Variants in CNTN4 observed in about 807,000 individuals in gnomAD.
CNTN4 encodes the protein contactin-4.
A neutral mutation model predicts 122.5 loss-of-function variants in CNTN4; 77 were observed. That is an observed-to-expected ratio of 0.63 (90% CI 0.52 to 0.76). The LOEUF (loss-of-function observed/expected upper bound fraction) is 0.76, where lower values mean the gene tolerates loss of function less well. Ranked by LOEUF, CNTN4 falls within the 30% of genes least tolerant of loss-of-function variation. The pLI is 0.00. For missense variants in CNTN4, 1,256 were observed against 1,259.1 expected (o/e 1.00, Z 0.04); for synonymous variants, 512 against 447.0 (o/e 1.15, Z -1.83).
chr3:2,732,682 C>G (rs1332412010), intron 4 of CNTN4, among the ~76,000 whole-genome samples: 3 of 152,144 alleles, frequency 2.0e-5, no homozygotes, highest in Non-Finnish European at 4.4e-5. Flanking sequence ...GACTCTTTGT[C>G]TCACCCAGGC....
chr3:2,445,780 C>A (rs936242389), intron 3 of CNTN4, among the ~76,000 whole-genome samples: 7 of 152,072 alleles, frequency 4.6e-5, no homozygotes, highest in African/African-American at 1.7e-4. Context: ...ATTTGCCAGG[C>A]GACATATTTG....
At chr3:2,310,672 C>T (rs1347461075) in intron 2 of CNTN4, among the ~76,000 whole-genome samples, 2 of 152,108 alleles carry the variant, frequency 1.3e-5, no homozygotes, top group Non-Finnish European at 2.9e-5. Flanking sequence ...AATGGCATAT[C>T]GAGCACCTGT....
At chr3:2,835,341 G>A (rs1469578145) in intron 7 of CNTN4, among the ~76,000 whole-genome samples, 2 of 152,110 alleles carry the variant, frequency 1.3e-5, no homozygotes, top group Non-Finnish European at 1.5e-5. Context: ...AATTACTAAT[G>A]CATATTTGTT....
chr3:2,124,503 C>CTA (rs2034015806), intron 2 of CNTN4, among the ~76,000 whole-genome samples: 1 of 149,198 alleles, frequency 6.7e-6, no homozygotes, highest in Non-Finnish European at 1.5e-5. Context: ...TGGCTCACAC[C>CTA]TATAATCCCA....
chr3:2,137,956 G>A (rs1046906520), intron 2 of CNTN4, among the ~76,000 whole-genome samples: 3 of 152,180 alleles, frequency 2.0e-5, no homozygotes, highest in African/African-American at 4.8e-5. Flanking sequence ...CTCATTGGCT[G>A]AGCATGTATC....
chr3:2,157,115 G>A (rs1218863671), intron 2 of CNTN4, among the ~76,000 whole-genome samples: 1 of 152,074 alleles, frequency 6.6e-6, no homozygotes, highest in Non-Finnish European at 1.5e-5. Context: ...GAGAAGTTCT[G>A]GTTCCTGTTC....
intron 2 of CNTN4, among the ~76,000 whole-genome samples, chr3:2,230,576 G>T (rs1265780263): frequency 1.3e-5 from 2 of 152,082 alleles, no homozygotes; most frequent in Non-Finnish European, 2.9e-5. Flanking sequence ...TTTCCTTTTA[G>T]AAACTAACTT....
intron 3 of CNTN4, among the ~76,000 whole-genome samples, chr3:2,351,167 CAT>C (rs1491086863): frequency 6.6e-5 from 10 of 152,180 alleles, no homozygotes; most frequent in South Asian, 6.2e-4. Flanking sequence ...TATAGTTCTC[CAT>C]AATTGGAGAA....
At chr3:2,214,323 C>A in intron 2 of CNTN4, among the ~76,000 whole-genome samples, 1 of 152,216 alleles carries the variant, frequency 6.6e-6, no homozygotes, top group Admixed American at 6.5e-5. Context: ...GTTTGTCTCT[C>A]AATTTAGACA....
intron 2 of CNTN4, among the ~76,000 whole-genome samples, chr3:2,145,180 C>A (rs1366071124): frequency 5.9e-5 from 9 of 152,052 alleles, no homozygotes; most frequent in Admixed American, 5.9e-4. Context: ...AGTTTGTGAC[C>A]CACAACTAAA....
rs2079409386 is a variant in CNTN4 at position 2,571,297 on chromosome 3, C to G, written c.-88-119C>G. 4 of 608,644 alleles carry G rather than the reference C, an allele frequency of 6.6e-6. No individual in the cohort carries two copies. In the Admixed American group the frequency reaches 8.7e-5, roughly 13 times the overall value. 37.7% of individuals were successfully genotyped at this position (608,644 alleles called of 1,614,324 possible). On this transcript the variant is annotated intron_variant, in intron 3 of 24. Transcript: ENST00000418658. Reference sequence around the variant, plus strand: ...CATAATTTAACATGTCCCTTTCTTCCCCTCCAATGGTACTTTCCCACAAGT... The same window carrying G: ...CATAATTTAACATGTCCCTTTCTTCGCCTCCAATGGTACTTTCCCACAAGT...
chr3:2,729,563 AGAAG>A (rs1210836030), intron 4 of CNTN4, among the ~76,000 whole-genome samples: 2 of 148,336 alleles, frequency 1.3e-5, no homozygotes, highest in African/African-American at 2.5e-5. Context: ...AAAAAAAAAA[AGAAG>A]AGAAAAGAAA....
intron 14 of CNTN4, among the ~76,000 whole-genome samples, chr3:3,022,330 G>C (rs1336286033): frequency 1.3e-5 from 2 of 152,192 alleles, no homozygotes; most frequent in Non-Finnish European, 2.9e-5. Flanking sequence ...TTGAGCGCAA[G>C]AATTTGAAGT....
At chr3:2,112,648 CTG>C (rs1188854821) in intron 2 of CNTN4, among the ~76,000 whole-genome samples, 1 of 152,108 alleles carries the variant, frequency 6.6e-6, no homozygotes, top group African/African-American at 2.4e-5. Context: ...ATATCAAAAA[CTG>C]TTTTGTTTAG....
chr3:2,763,027 C>T (rs547952931), intron 6 of CNTN4, among the ~76,000 whole-genome samples: 8 of 151,298 alleles, frequency 5.3e-5, no homozygotes, highest in Middle Eastern at 3.4e-3. Flanking sequence ...CCACAAGCTC[C>T]GCCTCCCGGG....
At chr3:2,580,613 T>G (rs937368443) in intron 4 of CNTN4, among the ~76,000 whole-genome samples, 1 of 152,122 alleles carries the variant, frequency 6.6e-6, no homozygotes, top group African/African-American at 2.4e-5. Flanking sequence ...TGAAGAAACT[T>G]TGTTGGATGA....
At chr3:2,418,359 A>G (rs1332362540) in intron 3 of CNTN4, among the ~76,000 whole-genome samples, 2 of 152,146 alleles carry the variant, frequency 1.3e-5, no homozygotes, top group African/African-American at 4.8e-5. Flanking sequence ...GATTAGAACA[A>G]CCTCTTCAAA....
At chr3:2,359,829 G>A (rs2045047855) in intron 3 of CNTN4, among the ~76,000 whole-genome samples, 2 of 152,170 alleles carry the variant, frequency 1.3e-5, no homozygotes, top group Admixed American at 6.5e-5. Flanking sequence ...GAGAGCCACG[G>A]CACCTGGCCG....
chr3:2,613,189 G>C (rs2081573400), intron 4 of CNTN4, among the ~76,000 whole-genome samples: 1 of 152,064 alleles, frequency 6.6e-6, no homozygotes, highest in Non-Finnish European at 1.5e-5. Context: ...GAGACTCCCT[G>C]TTCAGAAGAA....
Sources: gnomAD v4.1 joint callset for allele counts (sites outside exome capture counted in the v4.1 genomes callset) on GRCh38, gnomAD v4.1.1 for gene constraint, MANE v1.5 for transcripts, NCBI Gene and HGNC (gene_info 2026-07-23, HGNC 2026-07-21) for gene names.